B3GALT1: variants seen among roughly 807,000 people sequenced by gnomAD.
B3GALT1 encodes UDP-Gal:betaGlcNAc beta 1,3-galactosyltransferase, polypeptide 1.
B3GALT1 carries 10 observed loss-of-function variants against 23.2 expected under a neutral mutation model. The ratio of observed to expected loss-of-function variants is 0.43; its 90% CI spans 0.27 to 0.73. The LOEUF (loss-of-function observed/expected upper bound fraction) is 0.73. B3GALT1 is among the 30% of genes least tolerant of loss of function. The pLI is 0.21. For missense variants in B3GALT1, 299 were observed against 405.4 expected (o/e 0.74, Z 2.25); for synonymous variants, 156 against 141.5 (o/e 1.10, Z -0.73).
At chr2:167,315,887 AT>A (rs2105489413) in intron 1 of B3GALT1, among the ~76,000 whole-genome samples, 1 of 152,152 alleles carries the variant, frequency 6.6e-6, no homozygotes, top group Admixed American at 6.5e-5. Flanking sequence ...TACCCATTAT[AT>A]TATATTTCAA....
chr2:167,341,753 A>G (rs1697150844), intron 1 of B3GALT1, among the ~76,000 whole-genome samples: 1 of 152,178 alleles, frequency 6.6e-6, no homozygotes, highest in African/African-American at 2.4e-5. Flanking sequence ...ACTTGACCCT[A>G]TAAATGTCCT....
At chr2:167,612,488 T>C (rs1558924384) in intron 2 of B3GALT1, among the ~76,000 whole-genome samples, 1 of 151,734 alleles carries the variant, frequency 6.6e-6, no homozygotes. Context: ...AGTTCTCTGG[T>C]AATCCTGTAT....
intron 2 of B3GALT1, among the ~76,000 whole-genome samples, chr2:167,561,981 A>G (rs1261759048): frequency 6.6e-6 from 1 of 152,190 alleles, no homozygotes; most frequent in Non-Finnish European, 1.5e-5. Flanking sequence ...CCTGATACCA[A>G]AGCCGGCCAG....
intron 1 of B3GALT1, among the ~76,000 whole-genome samples, chr2:167,476,468 T>TA (rs1201970726): frequency 1.3e-5 from 2 of 152,182 alleles, no homozygotes; most frequent in African/African-American, 2.4e-5. Flanking sequence ...AGAAAACTTT[T>TA]AAAAAGCAGC....
chr2:167,853,917 G>T (rs1048152016), intron 4 of B3GALT1, among the ~76,000 whole-genome samples: 2 of 152,098 alleles, frequency 1.3e-5, no homozygotes, highest in African/African-American at 4.8e-5. Flanking sequence ...GTTCACAAGA[G>T]GGCCATGTGA....
In B3GALT1 at chr2:167,742,824, T is replaced by C. The variant is rs73019357; in HGVS notation, c.-351-75848T>C. On this transcript the variant is annotated intron_variant, in intron 3 of 4. Transcript: ENST00000392690. ...CCAACTTAAAGAACTAAAATAATTC[T>C]AATACCATTGTGCCTTTCTTCTGGT... 3.0e-3 allele frequency among the ~76,000 whole-genome samples: 456 copies of C among 152,274 alleles called. 1 individual carries two copies. The highest frequency in any genetic ancestry group is 0.011 in the African/African-American group (437 of 41,572).
rs757152901 is a variant in B3GALT1, at chr2:167,628,375, T to G, written c.-409-18534T>G. Among the ~76,000 whole-genome samples the G allele has an allele frequency of 6.5e-4, 98 of 151,508 alleles. 1 individual carries two copies. Among genetic ancestry groups the G allele is most frequent in the Non-Finnish European group, 1.0e-3 (69 of 67,724 alleles). ...GTTGAGATGATTGCATCTACAGTCA[T>G]TCTTCCTATTTCGAAACATGGCTTG... is the stretch of plus-strand genomic sequence containing the variant. On this transcript the variant is annotated intron_variant, in intron 2 of 4. Coordinates refer to ENST00000392690, the MANE Select transcript of B3GALT1 (RefSeq NM_020981.4).
intron 4 of B3GALT1, among the ~76,000 whole-genome samples, chr2:167,836,362 G>T (rs562190692): frequency 6.6e-6 from 1 of 152,144 alleles, no homozygotes; most frequent in Non-Finnish European, 1.5e-5. Context: ...GCCAAGGCTC[G>T]AGAACTATGT....
At chr2:167,417,433 C>A (rs575766835) in intron 1 of B3GALT1, among the ~76,000 whole-genome samples, 1 of 152,282 alleles carries the variant, frequency 6.6e-6, no homozygotes, top group African/African-American at 2.4e-5. Context: ...CTTTGCACTT[C>A]TCAGGCTCCG....
intron 2 of B3GALT1, among the ~76,000 whole-genome samples, chr2:167,552,203 T>C (rs906750717): frequency 6.6e-6 from 1 of 152,168 alleles, no homozygotes; most frequent in South Asian, 2.1e-4. Context: ...CCCTGCATTG[T>C]CTCATCTGTA....
rs562771066 is a variant in B3GALT1 at position 167,565,817 on chromosome 2, G to A, written c.-410+75540G>A. Among the ~76,000 whole-genome samples, 4 of 152,082 alleles carry A rather than the reference G, an allele frequency of 2.6e-5. No homozygotes were observed. The South Asian group carries it at 8.3e-4, about 32-fold the overall frequency. ...CACAATGAGATACCATCTCACACCA[G>A]TTAGAATGGCATTCATTAAAAAGTC... On this transcript the variant is annotated intron_variant, in intron 2 of 4. Coordinates refer to ENST00000392690, the MANE Select transcript of B3GALT1 (RefSeq NM_020981.4).
intron 3 of B3GALT1, among the ~76,000 whole-genome samples, chr2:167,719,240 G>A (rs1433901351): frequency 2.0e-5 from 3 of 152,148 alleles, no homozygotes; most frequent in Non-Finnish European, 4.4e-5. Flanking sequence ...CTATGTTTTT[G>A]TGTCAGATAT....
intron 4 of B3GALT1, among the ~76,000 whole-genome samples, chr2:167,866,523 A>T (rs1337609619): frequency 6.6e-6 from 1 of 152,240 alleles, no homozygotes; most frequent in Non-Finnish European, 1.5e-5. Flanking sequence ...CAAATGAATG[A>T]ATAAATTCAA....
intron 3 of B3GALT1, among the ~76,000 whole-genome samples, chr2:167,740,491 T>C (rs1246621789): frequency 2.6e-5 from 4 of 152,262 alleles, no homozygotes; most frequent in South Asian, 4.1e-4. Flanking sequence ...TTTATTTTAA[T>C]CAAATAAATG....
At chr2:167,462,514 C>A (rs1699274296) in intron 1 of B3GALT1, among the ~76,000 whole-genome samples, 1 of 152,142 alleles carries the variant, frequency 6.6e-6, no homozygotes, top group Non-Finnish European at 1.5e-5. Flanking sequence ...ATCCATTCCT[C>A]TTTTCCATAA....
At chr2:167,401,330 G>A (rs1431469149) in intron 1 of B3GALT1, among the ~76,000 whole-genome samples, 2 of 152,106 alleles carry the variant, frequency 1.3e-5, no homozygotes, top group Admixed American at 6.6e-5. Flanking sequence ...GAGAATGATA[G>A]TCTTGGATTC....
At chr2:167,400,162 A>ATGTGTGTGTG (rs1280272336) in intron 1 of B3GALT1, among the ~76,000 whole-genome samples, 1 of 26,308 alleles carries the variant, frequency 3.8e-5, no homozygotes, top group Non-Finnish European at 1.3e-4. Context: ...TTTTACATCT[A>ATGTGTGTGTG]TGTCTGTGTG....
At chr2:167,787,059 TGGTCC>T (rs1408734137) in intron 3 of B3GALT1, among the ~76,000 whole-genome samples, 1 of 152,234 alleles carries the variant, frequency 6.6e-6, no homozygotes, top group Non-Finnish European at 1.5e-5. Context: ...GATTATGGCC[TGGTCC>T]GTCTGTATTT....
chr2:167,360,096 A>T (rs950784364), intron 1 of B3GALT1, among the ~76,000 whole-genome samples: 3 of 152,174 alleles, frequency 2.0e-5, no homozygotes, highest in Admixed American at 6.5e-5. Context: ...TTTAATTTTT[A>T]AAAATTTTTC....
Sources: allele counts gnomAD v4.1 joint callset (sites outside exome capture counted in the v4.1 genomes callset), GRCh38; gene constraint gnomAD v4.1.1; transcripts MANE v1.5; gene names NCBI Gene and HGNC (gene_info 2026-07-23, HGNC 2026-07-21).